Variants in NKAIN3 observed in about 807,000 individuals in gnomAD.
NKAIN3 encodes sodium/potassium-transporting ATPase subunit beta-1-interacting protein 3.
A neutral mutation model predicts 30.2 loss-of-function variants in NKAIN3; 25 were observed. The ratio of observed to expected loss-of-function variants is 0.83; its 90% CI spans 0.60 to 1.16. The LOEUF is 1.16. NKAIN3 is among the 50% of genes most tolerant of loss of function. NKAIN3 has a pLI of 0.00. For missense variants in NKAIN3, 225 were observed against 254.1 expected (o/e 0.89, Z 0.78); for synonymous variants, 91 against 89.6 (o/e 1.02, Z -0.09).
chr8:62,681,262 T>A (rs1813635329), intron 3 of NKAIN3, among the ~76,000 whole-genome samples: 1 of 152,202 alleles, frequency 6.6e-6, no homozygotes, highest in Admixed American at 6.5e-5. Flanking sequence ...TGCCTTAGAC[T>A]AGATGTATTT....
At chr8:62,572,230 G>A (rs1809967277) in intron 1 of NKAIN3, among the ~76,000 whole-genome samples, 1 of 152,002 alleles carries the variant, frequency 6.6e-6, no homozygotes, top group Non-Finnish European at 1.5e-5. Flanking sequence ...AGTTCAAGGG[G>A]ACAAAATGCT....
At chr8:62,408,693 C>T (rs1804150069) in intron 1 of NKAIN3, among the ~76,000 whole-genome samples, 1 of 152,126 alleles carries the variant, frequency 6.6e-6, no homozygotes, top group African/African-American at 2.4e-5. Flanking sequence ...CTTTTGCTCT[C>T]ACCCACCTTG....
At chr8:62,900,961 C>T (rs1331881445) in intron 4 of NKAIN3, among the ~76,000 whole-genome samples, 1 of 152,066 alleles carries the variant, frequency 6.6e-6, no homozygotes, top group Non-Finnish European at 1.5e-5. Context: ...GCAAGAGTGG[C>T]CTCATGTTGA....
chr8:62,701,046 G>GTAAATTATTTTGTT (rs1462770263), intron 3 of NKAIN3, among the ~76,000 whole-genome samples: 1 of 152,166 alleles, frequency 6.6e-6, no homozygotes, highest in Non-Finnish European at 1.5e-5. Context: ...TTGCTGAAAA[G>GTAAATTATTTTGTT]TAAATTATTT....
chr8:62,549,421 T>G (rs1210567406), intron 1 of NKAIN3, among the ~76,000 whole-genome samples: 2 of 152,194 alleles, frequency 1.3e-5, no homozygotes, highest in Non-Finnish European at 2.9e-5. Context: ...TGTGTAAAAT[T>G]TAGCCTCAAT....
chr8:62,719,923 A>AT (rs1362169467), intron 3 of NKAIN3, among the ~76,000 whole-genome samples: 21 of 151,674 alleles, frequency 1.4e-4, no homozygotes, highest in African/African-American at 4.8e-4. Context: ...CGCCTGGCTA[A>AT]TTTTTTTGTA....
chr8:62,281,828 G>T (rs547320055), intron 1 of NKAIN3, among the ~76,000 whole-genome samples: 12 of 152,026 alleles, frequency 7.9e-5, no homozygotes, highest in Non-Finnish European at 1.6e-4. Flanking sequence ...CTTTTATGTT[G>T]AGCAAATATT....
intron 1 of NKAIN3, among the ~76,000 whole-genome samples, chr8:62,559,384 T>C (rs190392385): frequency 6.6e-6 from 1 of 152,080 alleles, no homozygotes; most frequent in Non-Finnish European, 1.5e-5. Context: ...ATTGTTTTAT[T>C]GATTTATTTA....
At chr8:62,318,748 A>G (rs1211297604) in intron 1 of NKAIN3, among the ~76,000 whole-genome samples, 1 of 152,164 alleles carries the variant, frequency 6.6e-6, no homozygotes, top group East Asian at 1.9e-4. Context: ...TATTTTATTG[A>G]GGATTTTTGC....
chr8:62,665,783 G>C (rs920635839), intron 3 of NKAIN3, among the ~76,000 whole-genome samples: 11 of 152,156 alleles, frequency 7.2e-5, no homozygotes, highest in Admixed American at 3.9e-4. Context: ...TGATGCAAAG[G>C]TGTCTATGTG....
intron 4 of NKAIN3, among the ~76,000 whole-genome samples, chr8:62,793,722 G>A (rs1162992720): frequency 9.2e-5 from 14 of 152,174 alleles, no homozygotes; most frequent in Non-Finnish European, 1.9e-4. Context: ...TGGCATAAAA[G>A]CCTCTGAGTT....
At chr8:62,602,134 G>C (rs1394536314) in intron 3 of NKAIN3, among the ~76,000 whole-genome samples, 2 of 151,994 alleles carry the variant, frequency 1.3e-5, no homozygotes, top group Non-Finnish European at 2.9e-5. Context: ...GCCACAACCT[G>C]GGTAGTATTA....
rs531588441 is a variant in NKAIN3, at chr8:62,923,115, G to A, written c.532+4602G>A. On this transcript the variant is annotated intron_variant, in intron 5 of 6. Coordinates refer to ENST00000623646, the MANE Select transcript of NKAIN3 (RefSeq NM_001304533.3). ...AATTCAAGGGCAGCCTGGGCAACAC[G>A]GTGAGACCTCATCTCTACCAAAAAT... 5.9e-5 allele frequency among the ~76,000 whole-genome samples: 9 copies of A among 152,190 alleles called. No homozygotes were observed. The South Asian group carries it at 1.5e-3, about 25-fold the overall frequency.
At chr8:62,542,050 T>C in intron 1 of NKAIN3, among the ~76,000 whole-genome samples, 1 of 152,196 alleles carries the variant, frequency 6.6e-6, no homozygotes, top group East Asian at 1.9e-4. Context: ...CAAATGACAG[T>C]ACTCATAGGT....
chr8:62,445,356 C>T (rs192411145), intron 1 of NKAIN3, among the ~76,000 whole-genome samples: 111 of 151,514 alleles, frequency 7.3e-4, no homozygotes, highest in Non-Finnish European at 3.2e-4. Context: ...GATCTTTTGC[C>T]CATTTTAACA....
At chr8:62,572,465 G>A (rs1349379744) in intron 1 of NKAIN3, among the ~76,000 whole-genome samples, 1 of 152,108 alleles carries the variant, frequency 6.6e-6, no homozygotes, top group Non-Finnish European at 1.5e-5. Context: ...CTGTTACCTA[G>A]TTTCAAAGTC....
At chr8:62,437,453 A>G (rs559843373) in intron 1 of NKAIN3, among the ~76,000 whole-genome samples, 36 of 152,214 alleles carry the variant, frequency 2.4e-4, no homozygotes, top group Non-Finnish European at 4.7e-4. Flanking sequence ...CAATGCCTCC[A>G]TTTTAGCTAC....
Position 62,965,680 on chromosome 8 carries a change from T to C in NKAIN3, c.*273T>C, listed in dbSNP as rs1047385483. The C allele has an allele frequency of 2.0e-5, 20 of 980,032 alleles. No individual in the cohort carries two copies. The South Asian group carries it at 8.5e-4, about 42-fold the overall frequency. 60.7% of individuals were successfully genotyped at this position (980,032 alleles called of 1,614,324 possible). On this transcript the variant is annotated 3_prime_UTR_variant, in exon 7 of 7. Transcript: ENST00000623646. ...TTTAAATTTTTAACAATATTTAATG[T>C]GAGGCATGCAAAATGAAAAAGCAAA... is the stretch of plus-strand genomic sequence containing the variant.
At position 62,935,991 on chromosome 8, in the gene NKAIN3, G is replaced by A. The variant is rs1822774466; in HGVS notation, c.532+17478G>A. ...GCAAAATTCTATATGGCTATCCAGT[G>A]AAATTATGAAATAGAAGAATACACC... is the stretch of plus-strand genomic sequence containing the variant. On this transcript the variant is annotated intron_variant, in intron 5 of 6. Coordinates refer to ENST00000623646, the MANE Select transcript of NKAIN3 (RefSeq NM_001304533.3). Among the ~76,000 whole-genome samples the A allele has an allele frequency of 2.0e-5, 3 of 152,162 alleles. No individual in the cohort carries two copies. The South Asian group carries it at 6.2e-4, about 31-fold the overall frequency.
Sources: gnomAD v4.1 joint callset for allele counts (sites outside exome capture counted in the v4.1 genomes callset) on GRCh38, gnomAD v4.1.1 for gene constraint, MANE v1.5 for transcripts, NCBI Gene and HGNC (gene_info 2026-07-23, HGNC 2026-07-21) for gene names.